The following ZCCHC24 variants were observed in gnomAD, a reference collection of about 807,000 sequenced individuals.
The protein encoded by ZCCHC24 is zinc finger CCHC-type containing 24.
ZCCHC24 carries 10 observed loss-of-function variants against 26.2 expected under a neutral mutation model. The ratio of observed to expected loss-of-function variants is 0.38; its 90% CI spans 0.24 to 0.65. The LOEUF is 0.65. ZCCHC24 is among the 30% of genes least tolerant of loss of function. The probability of loss-of-function intolerance (pLI) is 0.54; values close to 1 mark genes in which losing one functional copy is unlikely to be tolerated. For synonymous variants in ZCCHC24, 144 were observed against 147.1 expected, an observed-to-expected ratio of 0.98 and a Z score of 0.15; for missense variants, 243 against 329.1, an observed-to-expected ratio of 0.74 and a Z score of 2.03.
chr10:79,445,449 G>C lies in ZCCHC24; in HGVS notation c.-9C>G. 2 of 1,439,344 alleles carry C rather than the reference G, an allele frequency of 1.4e-6. No individual in the cohort carries two copies. Among genetic ancestry groups the C allele is most frequent in the Non-Finnish European group, 1.8e-6 (2 of 1,088,708 alleles). 89.2% of individuals were successfully genotyped at this position (1,439,344 alleles called of 1,614,324 possible). ...GCCGACAGCAGGCTCATTTTGTGGC[G>C]GCGGTGCCGGCCCCTCCCCGGCCGC... On this transcript the variant is annotated 5_prime_UTR_variant, in exon 1 of 4. Coordinates refer to ENST00000372336, the MANE Select transcript of ZCCHC24 (RefSeq NM_153367.4).
intron 2 of ZCCHC24, among the ~76,000 whole-genome samples, chr10:79,430,644 G>C (rs1195855798): frequency 6.7e-6 from 1 of 149,390 alleles, no homozygotes; most frequent in Non-Finnish European, 1.5e-5. Flanking sequence ...TGTCAGGAGA[G>C]AGGATGGTGC....
intron 2 of ZCCHC24, among the ~76,000 whole-genome samples, chr10:79,402,328 T>G (rs111419157): frequency 0.01 from 1,542 of 152,224 alleles, 9 homozygotes; most frequent in Non-Finnish European, 0.017. Flanking sequence ...CAGGCTGGAG[T>G]GCAGTGGCGT....
chr10:79,438,099 C>T (rs1014192126), intron 1 of ZCCHC24, among the ~76,000 whole-genome samples: 8 of 152,122 alleles, frequency 5.3e-5, no homozygotes, highest in African/African-American at 1.9e-4. Context: ...GAGTCCTGCT[C>T]CCCAGGCCTG....
chr10:79,430,053 A>G (rs1857104882), intron 2 of ZCCHC24, among the ~76,000 whole-genome samples: 1 of 152,158 alleles, frequency 6.6e-6, no homozygotes, highest in South Asian at 2.1e-4. Flanking sequence ...GCCTTGCCAG[A>G]TGGGTGCACT....
chr10:79,437,290 G>A (rs978476152), intron 1 of ZCCHC24, among the ~76,000 whole-genome samples: 6 of 152,080 alleles, frequency 3.9e-5, no homozygotes, highest in Admixed American at 3.9e-4. Context: ...TGGGCTCAAG[G>A]GATCTGCCTG....
At chr10:79,418,516 G>C (rs558020549) in intron 2 of ZCCHC24, among the ~76,000 whole-genome samples, 8 of 152,338 alleles carry the variant, frequency 5.3e-5, no homozygotes, top group African/African-American at 1.7e-4. Context: ...ACCAAGGCAG[G>C]AGCACATGGG....
At chr10:79,416,069 C>T (rs1856856122) in intron 2 of ZCCHC24, among the ~76,000 whole-genome samples, 1 of 152,238 alleles carries the variant, frequency 6.6e-6, no homozygotes, top group African/African-American at 2.4e-5. Context: ...TGCCGGTCCA[C>T]TGACCACACT....
chr10:79,397,412 C>T (rs1054491542), intron 2 of ZCCHC24, among the ~76,000 whole-genome samples: 8 of 152,246 alleles, frequency 5.3e-5, no homozygotes, highest in African/African-American at 1.9e-4. Flanking sequence ...TGAAGGCACA[C>T]TGAGCTCTGT....
intron 3 of ZCCHC24, among the ~76,000 whole-genome samples, chr10:79,390,582 C>CTCTGCA (rs1324373836): frequency 6.6e-6 from 1 of 152,238 alleles, no homozygotes; most frequent in East Asian, 1.9e-4. Context: ...TGGGCACGGG[C>CTCTGCA]TCTGGCTCGA....
At chr10:79,431,676 C>A (rs556761651) in intron 2 of ZCCHC24, among the ~76,000 whole-genome samples, 4 of 152,320 alleles carry the variant, frequency 2.6e-5, no homozygotes, top group Middle Eastern at 3.4e-3. Context: ...CCCAACCACA[C>A]GTCAGTTTCC....
rs779404782 is a variant in ZCCHC24, at chr10:79,394,293, C to T, written c.595G>A (p.Val199Met). ...CGGCTCACCTGCTTGTGTGGATACA[C>T]GTTGATGTGGCACTTGATGCACTCC... The part of the protein sequence containing the change: ...GQECIKCHIN[V>M]YPHKQRPLEK... The change falls in exon 3 of 4, where the codon GTG (valine) becomes ATG (methionine). Residue 199 changes from valine (V) to methionine (M), a missense_variant. Around this residue, in one of 2 missense-constraint regions of ZCCHC24, gnomAD observed 96 missense variants for 178.3 expected, o/e 0.54. Transcript: ENST00000372336. 4 of 1,614,030 alleles carry T rather than the reference C, an allele frequency of 2.5e-6. No individual in the cohort carries two copies. Among genetic ancestry groups the T allele is most frequent in the South Asian group, 1.1e-5 (1 of 91,074 alleles).
At chr10:79,404,986 C>A (rs1856690650) in intron 2 of ZCCHC24, among the ~76,000 whole-genome samples, 1 of 152,238 alleles carries the variant, frequency 6.6e-6, no homozygotes, top group South Asian at 2.1e-4. Context: ...ACCCTGGTCT[C>A]CCTGGCCCAG....
At chr10:79,390,107 G>A (rs557065242) in intron 3 of ZCCHC24, among the ~76,000 whole-genome samples, 9 of 152,116 alleles carry the variant, frequency 5.9e-5, no homozygotes, top group South Asian at 2.1e-4. Context: ...CTGGGCTCAA[G>A]CAATCCTCCC....
chr10:79,397,747 C>T (rs1034005087), intron 2 of ZCCHC24, among the ~76,000 whole-genome samples: 4 of 152,140 alleles, frequency 2.6e-5, no homozygotes, highest in Non-Finnish European at 5.9e-5. Context: ...AGAGAGCTCA[C>T]AGGACCTGGT....
intron 2 of ZCCHC24, among the ~76,000 whole-genome samples, chr10:79,424,543 T>C (rs1564638520): frequency 6.6e-6 from 1 of 152,196 alleles, no homozygotes; most frequent in Non-Finnish European, 1.5e-5. Flanking sequence ...CGCTGTCTTG[T>C]GTCCAGTCAT....
At chr10:79,424,847 C>T (rs1857004772) in intron 2 of ZCCHC24, among the ~76,000 whole-genome samples, 1 of 152,184 alleles carries the variant, frequency 6.6e-6, no homozygotes, top group Non-Finnish European at 1.5e-5. Flanking sequence ...GGAAGCCTTC[C>T]CCACTCCAAA....
intron 2 of ZCCHC24, 22 bp from the exon 3 acceptor site, chr10:79,394,462 CAG>C (rs780989049): frequency 1.7e-5 from 27 of 1,609,594 alleles, no homozygotes; most frequent in East Asian, 2.2e-5. Context: ...GAAGCAAACA[CAG>C]GGGATTGGAG....
At chr10:79,436,232 C>G (rs749958129) in intron 1 of ZCCHC24, among the ~76,000 whole-genome samples, 8 of 152,214 alleles carry the variant, frequency 5.3e-5, no homozygotes, top group Non-Finnish European at 2.9e-5. Context: ...CCCTCCAGCC[C>G]ACACTTGCTG....
At chr10:79,441,324 C>T (rs146803439) in intron 1 of ZCCHC24, among the ~76,000 whole-genome samples, 146 of 152,186 alleles carry the variant, frequency 9.6e-4, no homozygotes, top group East Asian at 5.4e-3. Context: ...ACTGTATGTA[C>T]TCCTCTAAGG....
Sources: gnomAD v4.1 joint callset for allele counts (sites outside exome capture counted in the v4.1 genomes callset) on GRCh38, gnomAD v4.1.1 for gene constraint, gnomAD v4.1.1 regional missense constraint, MANE v1.5 for transcripts, NCBI Gene and HGNC (gene_info 2026-07-23, HGNC 2026-07-21) for gene names.